FANCA: variants seen among roughly 807,000 people sequenced by gnomAD.
The protein encoded by FANCA is FA complementation group A.
FANCA carries 236 observed loss-of-function variants against 194.3 expected under a neutral mutation model. The ratio of observed to expected loss-of-function variants is 1.21; its 90% CI spans 1.09 to 1.35. The LOEUF is 1.35. Ranked by LOEUF, FANCA falls within the 40% of genes most tolerant of loss-of-function variation. FANCA has a pLI of 0.00. For missense variants in FANCA, 2,628 were observed against 1,813.9 expected (o/e 1.45, Z -8.15); for synonymous variants, 1,014 against 715.8 (o/e 1.42, Z -6.65).
At chr16:89,802,544 G>A (rs964774852) in intron 8 of FANCA, among the ~76,000 whole-genome samples, 1 of 152,132 alleles carries the variant, frequency 6.6e-6, no homozygotes, top group African/African-American at 2.4e-5. Flanking sequence ...TGGGTCCACA[G>A]GTGCCTGCCA....
chr16:89,740,872 A>C lies in FANCA; in HGVS notation c.3766-6T>G. 1 of 1,610,904 alleles carries C rather than the reference A, an allele frequency of 6.2e-7. No homozygotes were observed. Among genetic ancestry groups the C allele is most frequent in the African/African-American group, 1.3e-5 (1 of 74,916 alleles). On this transcript the variant is annotated splice_polypyrimidine_tract_variant and splice_region_variant and intron_variant, in intron 37 of 42. Coordinates refer to ENST00000389301, the MANE Select transcript of FANCA (RefSeq NM_000135.4). ...AAGAAAAGGAAAACCAATAGCTGTA[A>C]ATAAAAACGTGCACTTATTATTACA... is the stretch of plus-strand genomic sequence containing the variant.
rs753063086 is a variant in FANCA, at chr16:89,749,806, G to T, written c.3163C>A (p.Arg1055=). 7 of 1,614,092 alleles carry T rather than the reference G, an allele frequency of 4.3e-6. No homozygotes were observed. Among genetic ancestry groups the T allele is most frequent in the East Asian group, 2.2e-5 (1 of 44,900 alleles). Residue 1055 remains arginine (R), a synonymous_variant, in exon 32 of 43, where the codon CGG becomes AGG. Transcript: ENST00000389301. The part of the protein sequence containing the change: ...EHFLFEIFRR[R]LQALTSGWSV... ...CACCCGCTTGTCAGAGCCTGGAGCC[G>T]TCTGCGGAAAATCTCAAAGAGGAAG...
intron 15 of FANCA, among the ~76,000 whole-genome samples, chr16:89,784,349 C>A (rs1164976625): frequency 3.9e-5 from 5 of 128,478 alleles, no homozygotes; most frequent in African/African-American, 1.2e-4. Flanking sequence ...CTAGCCTAGG[C>A]AACAGAGTGA....
intron 5 of FANCA, among the ~76,000 whole-genome samples, chr16:89,810,200 G>A (rs1043348301): frequency 2.0e-5 from 3 of 151,474 alleles, no homozygotes; most frequent in Non-Finnish European, 4.4e-5. Context: ...GCAGTCACCT[G>A]TAGTCCCAGC....
chr16:89,777,068 G>A (rs1471047514), intron 20 of FANCA, among the ~76,000 whole-genome samples: 1 of 152,098 alleles, frequency 6.6e-6, no homozygotes, highest in Non-Finnish European at 1.5e-5. Flanking sequence ...AAAATGGCTG[G>A]GTGTGGTGGA....
chr16:89,802,381 C>A (rs893343069), intron 8 of FANCA, among the ~76,000 whole-genome samples: 1 of 151,692 alleles, frequency 6.6e-6, no homozygotes, highest in Non-Finnish European at 1.5e-5. Context: ...GGATTATAGG[C>A]ATGAGCCATT....
At chr16:89,771,551 GA>G (rs1476724815) in intron 23 of FANCA, 126 bp downstream of exon 23, 2 of 1,098,918 alleles carry the variant, frequency 1.8e-6, no homozygotes, top group African/African-American at 3.1e-5. Flanking sequence ...CCTGGCCCTG[GA>G]ACATCTGATA....
rs149936677 is a variant in FANCA, at chr16:89,779,973, G to T, written c.1627-16C>A. ...GGCTGTGGGGCTGGTTCCCATACAG[G>T]GAGGAAAGGAAAAAGAACAGAGGAC... On this transcript the variant is annotated splice_polypyrimidine_tract_variant and intron_variant, in intron 17 of 42. Transcript: ENST00000389301. 3 of 1,610,692 alleles carry T rather than the reference G, an allele frequency of 1.9e-6. No individual in the cohort carries two copies. Among genetic ancestry groups the T allele is most frequent in the Non-Finnish European group, 2.5e-6 (3 of 1,176,864 alleles).
intron 30 of FANCA, among the ~76,000 whole-genome samples, chr16:89,756,246 G>A (rs1394248516): frequency 6.6e-6 from 1 of 152,160 alleles, no homozygotes; most frequent in African/African-American, 2.4e-5. Flanking sequence ...TGGCCAATAA[G>A]AAAATGGAAA....
At chr16:89,789,230 G>A (rs939203815) in intron 14 of FANCA, among the ~76,000 whole-genome samples, 1 of 151,652 alleles carries the variant, frequency 6.6e-6, no homozygotes, top group African/African-American at 2.4e-5. Context: ...CACTGACACT[G>A]CACCAGTCAC....
intron 6 of FANCA, among the ~76,000 whole-genome samples, chr16:89,806,319 G>A (rs1256667437): frequency 6.7e-6 from 1 of 148,610 alleles, no homozygotes. Flanking sequence ...AGGTCAGCTG[G>A]TTTGCAGCAT....
chr16:89,769,253 CAG>C (rs1422809857), intron 26 of FANCA, among the ~76,000 whole-genome samples: 2 of 152,240 alleles, frequency 1.3e-5, no homozygotes, highest in Admixed American at 1.3e-4. Context: ...CAACTCCCAC[CAG>C]AGTCTCCCAG....
chr16:89,773,225 C>G, intron 22 of FANCA, 46 bp downstream of exon 22: 1 of 1,445,034 alleles, frequency 6.9e-7, no homozygotes, highest in Non-Finnish European at 9.5e-7. Context: ...GCTCCAACCA[C>G]AGGCTGCACA....
In FANCA at chr16:89,771,740, C is replaced by CGCTGCTG. The variant is rs754104046; in HGVS notation, c.2082_2088dup (p.Val697GlnfsTer4). On this transcript the variant is annotated frameshift_variant, in exon 23 of 43. Coordinates refer to ENST00000389301, the MANE Select transcript of FANCA (RefSeq NM_000135.4). LOFTEE classifies it high-confidence loss of function. ...CTGAGCTGAATCTTTGATATCTCAA[C>CGCTGCTG]GCTGCTGTCATCCTCATTGTGGCCC... 1.9e-6 allele frequency: 3 copies of CGCTGCTG among 1,614,146 alleles called. No homozygotes were observed. The African/African-American group carries it at 4.0e-5, about 22-fold the overall frequency.
rs189674200 is a variant in FANCA at position 89,809,841 on chromosome 16, A to C, written c.522+866T>G. On this transcript the variant is annotated intron_variant, in intron 5 of 42. Coordinates refer to ENST00000389301, the MANE Select transcript of FANCA (RefSeq NM_000135.4). ...GCACTCCAGCCTGGGCAACAAGAGCAAAACTCCATCTCAAAAAAAAAAAAA... is the reference window on the plus strand; with the variant it reads ...GCACTCCAGCCTGGGCAACAAGAGCCAAACTCCATCTCAAAAAAAAAAAAA... 2.4e-3 allele frequency among the ~76,000 whole-genome samples: 368 copies of C among 151,374 alleles called. 2 individuals carry two copies. Among genetic ancestry groups the C allele is most frequent in the African/African-American group, 8.4e-3 (347 of 41,262 alleles).
At chr16:89,761,255 C>T (rs11643505) in intron 29 of FANCA, among the ~76,000 whole-genome samples, 148,445 of 152,052 alleles carry the variant, frequency 0.98, 72,465 homozygotes, top group East Asian at 1. Context: ...CCGTCTCTAC[C>T]AAAAATACAA....
intron 9 of FANCA, 71 bp from the exon 10 acceptor site, chr16:89,799,303 G>A: frequency 6.3e-7 from 1 of 1,582,050 alleles, no homozygotes; most frequent in Non-Finnish European, 8.6e-7. Context: ...CAATCCCCAG[G>A]CGCTTTCAGA....
rs201163548 is a variant in FANCA, at chr16:89,779,961, G to T, written c.1627-4C>A. On this transcript the variant is annotated splice_polypyrimidine_tract_variant and splice_region_variant and intron_variant, in intron 17 of 42. Transcript: ENST00000389301. ...CCTGAAGAGCTTGGCTGTGGGGCTG[G>T]TTCCCATACAGGGAGGAAAGGAAAA... 15 of 1,613,912 alleles carry T rather than the reference G, an allele frequency of 9.3e-6. No individual in the cohort carries two copies. Among genetic ancestry groups the T allele is most frequent in the Non-Finnish European group, 1.1e-5 (13 of 1,179,768 alleles).
At chr16:89,760,532 A>T (rs951202532) in intron 29 of FANCA, among the ~76,000 whole-genome samples, 1 of 151,950 alleles carries the variant, frequency 6.6e-6, no homozygotes, top group African/African-American at 2.4e-5. Context: ...CCACCAGGAT[A>T]CTCCATATCT....
Sources: gnomAD v4.1 joint callset for allele counts (sites outside exome capture counted in the v4.1 genomes callset) on GRCh38, gnomAD v4.1.1 for gene constraint, MANE v1.5 for transcripts, NCBI Gene and HGNC (gene_info 2026-07-23, HGNC 2026-07-21) for gene names.